YWHAH: variants seen among roughly 807,000 people sequenced by gnomAD.
The protein encoded by YWHAH is 14-3-3 protein eta.
Under a neutral mutation model 22.9 loss-of-function variants are expected in YWHAH, and 6 were observed. That is an observed-to-expected ratio of 0.26 (90% CI 0.14 to 0.52). The LOEUF is 0.52. YWHAH is among the 20% of genes least tolerant of loss of function. YWHAH has a pLI of 0.97. For missense variants in YWHAH, 173 were observed against 308.6 expected (o/e 0.56, Z 3.29); for synonymous variants, 135 against 124.5 (o/e 1.08, Z -0.56).
intron 1 of YWHAH, among the ~76,000 whole-genome samples, chr22:31,946,708 C>T (rs796336108): frequency 6.6e-6 from 1 of 152,246 alleles, no homozygotes; most frequent in South Asian, 2.1e-4. Context: ...GAGATGTTAC[C>T]AGAACGAAAT....
intron 1 of YWHAH, among the ~76,000 whole-genome samples, chr22:31,949,517 G>A (rs915262884): frequency 2.6e-5 from 4 of 151,474 alleles, no homozygotes; most frequent in Non-Finnish European, 5.9e-5. Flanking sequence ...TTTTGGTGGG[G>A]GGGGGAGTCA....
rs8192635 is a variant in YWHAH, at chr22:31,956,555, G to A, written c.504G>A (p.Thr168=). 48 of 1,614,032 alleles carry A rather than the reference G, an allele frequency of 3.0e-5. 1 individual carries two copies. Among genetic ancestry groups the A allele is most frequent in the Non-Finnish European group, 3.2e-5 (38 of 1,180,032 alleles). Residue 168 remains threonine, a synonymous_variant, in exon 2 of 2, where the codon ACG becomes ACA. Coordinates refer to ENST00000248975, the MANE Select transcript of YWHAH (RefSeq NM_003405.4). This position sits in a 1 kb window ranked among gnomAD's most constrained non-coding sequence, Gnocchi z 5.1. ...FEISKEQMQP[T]HPIRLGLALN... ...TCAGCAAAGAGCAGATGCAACCCAC[G>A]CATCCCATCCGGCTGGGCCTGGCCC... is the stretch of plus-strand genomic sequence containing the variant.
In YWHAH at chr22:31,944,579, TGCCTGCAGCCTGCA is replaced by T; in HGVS notation, c.-143_-130del. On this transcript the variant is annotated 5_prime_UTR_variant, in exon 1 of 2. Transcript: ENST00000248975. ...AGCGAGAGGGCGCGAGCGGCGGCGC[TGCCTGCAGCCTGCA>T]GCCTGCAGCCTCCGGCCGGCCGGCG... is the stretch of plus-strand genomic sequence containing the variant. 1 of 362,896 alleles carries T rather than the reference TGCCTGCAGCCTGCA, an allele frequency of 2.8e-6. No individual in the cohort carries two copies. The highest frequency in any genetic ancestry group is 4.2e-6 in the Non-Finnish European group (1 of 240,834). The allele number at this position is 362,896 out of a possible 1,614,324, so 22.5% of individuals were successfully genotyped here.
At chr22:31,949,731 A>G (rs774731114) in intron 1 of YWHAH, among the ~76,000 whole-genome samples, 6 of 152,140 alleles carry the variant, frequency 3.9e-5, no homozygotes, top group Non-Finnish European at 8.8e-5. Flanking sequence ...TCAGAGGTTG[A>G]TTTTCTCATG....
chr22:31,948,465 C>G (rs2093838163), intron 1 of YWHAH, among the ~76,000 whole-genome samples: 1 of 151,350 alleles, frequency 6.6e-6, no homozygotes, highest in African/African-American at 2.4e-5. Context: ...GATCATAATT[C>G]ACTGTAGCCT....
At chr22:31,946,352 C>T (rs2093834632) in intron 1 of YWHAH, among the ~76,000 whole-genome samples, 2 of 152,146 alleles carry the variant, frequency 1.3e-5, no homozygotes, top group Admixed American at 6.6e-5. Context: ...CTGACGAATG[C>T]ATTTCCTTGG....
At chr22:31,946,707 C>T (rs2093835327) in intron 1 of YWHAH, among the ~76,000 whole-genome samples, 2 of 152,148 alleles carry the variant, frequency 1.3e-5, no homozygotes, top group Admixed American at 6.5e-5. Context: ...AGAGATGTTA[C>T]CAGAACGAAA....
At chr22:31,947,349 TAAC>T (rs2149466634) in intron 1 of YWHAH, 1 of 456,558 alleles carries the variant, frequency 2.2e-6, no homozygotes, top group African/African-American at 2.0e-5. Flanking sequence ...TTGCTGTTAT[TAAC>T]AAGTCAGTTT....
chr22:31,950,402 G>A (rs1165657639), intron 1 of YWHAH: 1 of 779,582 alleles, frequency 1.3e-6, no homozygotes, highest in Non-Finnish European at 2.4e-6. Flanking sequence ...CCTGGCTGCA[G>A]TGGCATTCCC....
chr22:31,945,671 C>G, intron 1 of YWHAH: 1 of 1,266,432 alleles, frequency 7.9e-7, no homozygotes, highest in Admixed American at 2.5e-5. Flanking sequence ...CGTTATTTTA[C>G]GTTTTCTGTA....
In YWHAH at chr22:31,956,585, C is replaced by T. The variant is rs1311216046; in HGVS notation, c.534C>T (p.Asn178=). 1.2e-6 allele frequency: 2 copies of T among 1,614,058 alleles called. No homozygotes were observed. Among genetic ancestry groups the T allele is most frequent in the South Asian group, 2.2e-5 (2 of 91,094 alleles). ...THPIRLGLAL[N]FSVFYYEIQN... is the part of the protein sequence containing the mutation. ...CCATCCGGCTGGGCCTGGCCCTCAA[C>T]TTCTCCGTGTTCTACTATGAGATCC... Residue 178 remains asparagine (N), a synonymous_variant, in exon 2 of 2, where the codon AAC becomes AAT. Transcript: ENST00000248975. This position sits in a 1 kb window ranked among gnomAD's most constrained non-coding sequence, Gnocchi z 5.1.
chr22:31,955,512 C>T (rs529699958), intron 1 of YWHAH, among the ~76,000 whole-genome samples: 8 of 148,998 alleles, frequency 5.4e-5, no homozygotes, highest in Admixed American at 1.3e-4. Flanking sequence ...TGCAGTGGCA[C>T]GATCTGGGCT....
chr22:31,957,095 TAGAA>T lies in YWHAH; in HGVS notation c.*308_*311del. 1 of 271,426 alleles carries T rather than the reference TAGAA, an allele frequency of 3.7e-6. No individual in the cohort carries two copies. The allele number at this position is 271,426 out of a possible 1,614,324, so 16.8% of individuals were successfully genotyped here. A position where few individuals can be genotyped will look rare whatever the true frequency, so the allele number is the denominator to read the frequency against. On this transcript the variant is annotated 3_prime_UTR_variant, in exon 2 of 2. Coordinates refer to ENST00000248975, the MANE Select transcript of YWHAH (RefSeq NM_003405.4). ...TCTAGGCGAAAGTAATGGGGAAGAT[TAGAA>T]AGAATTAGCCAACCAGGCTACAGTT...
chr22:31,950,270 G>C, intron 1 of YWHAH: 1 of 777,334 alleles, frequency 1.3e-6, no homozygotes, highest in Non-Finnish European at 2.4e-6. Flanking sequence ...GCACCCTTTA[G>C]TATATTTTTA....
intron 1 of YWHAH, among the ~76,000 whole-genome samples, chr22:31,951,609 T>C (rs2093843397): frequency 6.6e-6 from 1 of 152,170 alleles, no homozygotes; most frequent in Non-Finnish European, 1.5e-5. Context: ...TTTTTTGCCT[T>C]GTGAGTAGTG....
At chr22:31,946,910 A>C (rs1372702513) in intron 1 of YWHAH, among the ~76,000 whole-genome samples, 2 of 152,210 alleles carry the variant, frequency 1.3e-5, no homozygotes, top group Admixed American at 1.3e-4. Flanking sequence ...GAGTCAATCC[A>C]AGCTTTAATT....
At chr22:31,951,355 G>A (rs1259127296) in intron 1 of YWHAH, among the ~76,000 whole-genome samples, 1 of 152,220 alleles carries the variant, frequency 6.6e-6, no homozygotes, top group Non-Finnish European at 1.5e-5. Context: ...TAGCATGTAG[G>A]TGTGGGTAGC....
chr22:31,953,064 A>AT (rs1433246071), intron 1 of YWHAH, among the ~76,000 whole-genome samples: 3 of 152,212 alleles, frequency 2.0e-5, no homozygotes, highest in Non-Finnish European at 4.4e-5. Flanking sequence ...ACATACATGT[A>AT]TTTCAGATTT....
In YWHAH at chr22:31,944,735, TG is replaced by T. The variant is rs779321639; in HGVS notation, c.7del (p.Asp3?). On this transcript the variant is annotated frameshift_variant and start_lost, in exon 1 of 2. Transcript: ENST00000248975. LOFTEE classifies it high-confidence loss of function. ...AGGCGAGGCCGAGCCGCGAGCGACA[TG>T]GGGGACCGGGAGCAGCTGCTGCAGC... MGDREQLLQRA... is the reference protein window; with the variant it reads XGDREQLLQRA... 3 of 1,407,722 alleles carry T rather than the reference TG, an allele frequency of 2.1e-6. No individual in the cohort carries two copies. The highest frequency in any genetic ancestry group is 1.9e-6 in the Non-Finnish European group (2 of 1,073,722). The allele number at this position is 1,407,722 out of a possible 1,614,324, so 87.2% of individuals were successfully genotyped here. A position where few individuals can be genotyped will look rare whatever the true frequency, so the allele number is the denominator to read the frequency against.
Sources: gnomAD v4.1 joint callset for allele counts (sites outside exome capture counted in the v4.1 genomes callset) on GRCh38, gnomAD v4.1.1 for gene constraint, Gnocchi (gnomAD v3.1) non-coding constraint, MANE v1.5 for transcripts, NCBI Gene and HGNC (gene_info 2026-07-23, HGNC 2026-07-21) for gene names.